Variants in MTCL1 observed in about 807,000 individuals in gnomAD.
MTCL1 encodes microtubule crosslinking factor 1, also known as microtubule cross-linking factor 1.
MTCL1 carries 79 observed loss-of-function variants against 141.4 expected under a neutral mutation model. The ratio of observed to expected loss-of-function variants is 0.56; its 90% CI spans 0.47 to 0.67. MTCL1 has a LOEUF of 0.67. MTCL1 is among the 30% of genes least tolerant of loss of function. The pLI, the probability that MTCL1 is intolerant of heterozygous loss-of-function variation, is 0.00. For synonymous variants in MTCL1, 914 were observed against 875.8 expected (o/e 1.04, Z -0.77); for missense variants, 2,177 against 2,113.9 (o/e 1.03, Z -0.59).
chr18:8,718,698 T>A, intron 3 of MTCL1, 50 bp downstream of exon 2: 2 of 1,542,782 alleles, frequency 1.3e-6, no homozygotes, highest in Non-Finnish European at 1.8e-6. Flanking sequence ...GTGGACCGGC[T>A]GGCCACATGC....
chr18:8,784,784 T>A, exon 6 of MTCL1: 1 of 1,613,164 alleles, frequency 6.2e-7, no homozygotes, highest in Non-Finnish European at 8.5e-7. Flanking sequence ...CACTGTGACT[T>A]CCGTGTCCCG....
chr18:8,744,762 C>G (rs1293462852), intron 4 of MTCL1, among the ~76,000 whole-genome samples: 1 of 152,124 alleles, frequency 6.6e-6, no homozygotes, highest in Non-Finnish European at 1.5e-5. Flanking sequence ...CACCACAGCC[C>G]CCTTTATTCA....
At chr18:8,816,588 A>T (rs2076663476) in intron 12 of MTCL1, among the ~76,000 whole-genome samples, 1 of 152,168 alleles carries the variant, frequency 6.6e-6, no homozygotes, top group South Asian at 2.1e-4. Context: ...TAACATGCAG[A>T]TGATGTAAAA....
intron 4 of MTCL1, among the ~76,000 whole-genome samples, chr18:8,743,811 C>T (rs1567968075): frequency 6.6e-6 from 1 of 152,218 alleles, no homozygotes; most frequent in Non-Finnish European, 1.5e-5. Flanking sequence ...CCTCTACTCC[C>T]TTTGCCGTGT....
chr18:8,792,970 A>G (rs2075786988), intron 7 of MTCL1, 28 bp from the exon 7 acceptor site: 1 of 1,611,580 alleles, frequency 6.2e-7, no homozygotes, highest in South Asian at 1.1e-5. Flanking sequence ...CATTTCCACT[A>G]AACCCCTTCC....
At chr18:8,824,925 G>A (rs749887150) in exon 15 of MTCL1, 3 of 1,613,768 alleles carry the variant, frequency 1.9e-6, no homozygotes, top group Non-Finnish European at 1.7e-6. Flanking sequence ...GACCGAGGTG[G>A]GGCGGGCAGG....
intron 4 of MTCL1, among the ~76,000 whole-genome samples, chr18:8,770,477 C>T (rs368779549): frequency 3.9e-5 from 6 of 152,286 alleles, no homozygotes; most frequent in South Asian, 4.1e-4. Context: ...TGAATCCTCC[C>T]GTGGCAGAGG....
At chr18:8,713,434 C>T (rs1466791192), upstream of MTCL1, among the ~76,000 whole-genome samples, 4 of 152,144 alleles carry the variant, frequency 2.6e-5, no homozygotes, top group East Asian at 3.8e-4. Flanking sequence ...ATGCTCTGCT[C>T]GATTTGGTTT....
exon 9 of MTCL1, chr18:8,796,352 C>T: frequency 6.2e-7 from 1 of 1,614,180 alleles, no homozygotes; most frequent in Non-Finnish European, 8.5e-7. Context: ...GCAGCAGGAG[C>T]TCCGGTCCTT....
upstream of MTCL1, among the ~76,000 whole-genome samples, chr18:8,714,987 A>G (rs146321412): frequency 0.057 from 8,594 of 152,094 alleles, 286 homozygotes; most frequent in East Asian, 0.14. Context: ...TAGTAGAGAC[A>G]GGGTTTCACT....
intron 4 of MTCL1, among the ~76,000 whole-genome samples, chr18:8,747,835 A>G (rs541360042): frequency 6.6e-6 from 1 of 152,116 alleles, no homozygotes; most frequent in South Asian, 2.1e-4. Flanking sequence ...TTTTGTTAAT[A>G]ATTATCTGCA....
At chr18:8,755,706 A>T (rs2096394097) in intron 4 of MTCL1, among the ~76,000 whole-genome samples, 1 of 152,208 alleles carries the variant, frequency 6.6e-6, no homozygotes, top group Non-Finnish European at 1.5e-5. Flanking sequence ...CTTTCAGAGA[A>T]TATAGTCCAA....
At chr18:8,791,671 T>C (rs1199721793) in intron 7 of MTCL1, among the ~76,000 whole-genome samples, 1 of 152,146 alleles carries the variant, frequency 6.6e-6, no homozygotes, top group South Asian at 2.1e-4. Context: ...ATAATAGACC[T>C]TTTGGAAATG....
chr18:8,798,183 C>T (rs2075991172), exon 10 of MTCL1: 1 of 1,599,146 alleles, frequency 6.3e-7, no homozygotes, highest in South Asian at 1.1e-5. Flanking sequence ...ACGACAGTGA[C>T]CGAGGCTGTG....
At chr18:8,778,530 G>A (rs1384284534) in intron 5 of MTCL1, among the ~76,000 whole-genome samples, 1 of 152,174 alleles carries the variant, frequency 6.6e-6, no homozygotes, top group East Asian at 1.9e-4. Context: ...GACACAATGA[G>A]TCGGGGTAAC....
Position 8,828,535 on chromosome 18 carries a change from G to T in MTCL1, c.4723-373G>T, listed in dbSNP as rs1318929012. On this transcript the variant is annotated intron_variant, in intron 15 of 16. Coordinates refer to ENST00000359865, the Ensembl canonical transcript of MTCL1. The surrounding 1 kb of genome is among the most constrained non-coding windows in gnomAD (Gnocchi z 5.2). ...CAGCCGTATAATAGTCTCTGTTTTA[G>T]ATACCAGTCATGCAATTTCCATATC... Among the ~76,000 whole-genome samples the T allele has an allele frequency of 1.3e-5, 2 of 152,206 alleles. No individual in the cohort carries two copies. Among genetic ancestry groups the T allele is most frequent in the Non-Finnish European group, 2.9e-5 (2 of 68,038 alleles).
chr18:8,745,087 G>A (rs533023586), intron 4 of MTCL1, among the ~76,000 whole-genome samples: 2 of 152,316 alleles, frequency 1.3e-5, no homozygotes, highest in African/African-American at 4.8e-5. Flanking sequence ...TTGGGAATTG[G>A]AGATTTTCAG....
chr18:8,805,243 T>C (rs147462618), intron 10 of MTCL1, among the ~76,000 whole-genome samples: 3 of 152,242 alleles, frequency 2.0e-5, no homozygotes, highest in African/African-American at 7.2e-5. Context: ...AGGTAATTTT[T>C]CAACCCTTGC....
At chr18:8,825,517 GCAGCGGTGTCAC>G (rs2076993927) in exon 15 of MTCL1, 1 of 1,612,258 alleles carries the variant, frequency 6.2e-7, no homozygotes, top group East Asian at 2.2e-5. Flanking sequence ...GCCCTGCGTG[GCAGCGGTGTCAC>G]CAGCAGCCCC....
Sources: gnomAD v4.1 joint callset for allele counts (sites outside exome capture counted in the v4.1 genomes callset) on GRCh38, gnomAD v4.1.1 for gene constraint, Gnocchi (gnomAD v3.1) non-coding constraint, MANE v1.5 for transcripts, NCBI Gene and HGNC (gene_info 2026-07-23, HGNC 2026-07-21) for gene names.